Variants in STAG1 observed in about 807,000 individuals in gnomAD.
The protein encoded by STAG1 is STAG1 cohesin complex component, also known as cohesin subunit SA-1.
STAG1 carries 26 observed loss-of-function variants against 170.9 expected under a neutral mutation model. The observed-to-expected ratio is 0.15, with a 90% CI of 0.11 to 0.21. STAG1 has a LOEUF of 0.21. Ranked by LOEUF, STAG1 falls within the 10% of genes least tolerant of loss-of-function variation. The pLI is 1.00. For missense variants in STAG1, 964 were observed against 1,509.5 expected, an observed-to-expected ratio of 0.64 and a Z score of 5.99; for synonymous variants, 514 against 497.7, an observed-to-expected ratio of 1.03 and a Z score of -0.44.
chr3:136,464,418 C>T (rs548720855), intron 13 of STAG1, among the ~76,000 whole-genome samples: 2 of 146,030 alleles, frequency 1.4e-5, no homozygotes, highest in Non-Finnish European at 3.0e-5. Context: ...AGCGAAACTC[C>T]GTCTCAAAAA....
At chr3:136,357,973 C>A in intron 27 of STAG1, 125 bp from the exon 28 acceptor site, 2 of 744,474 alleles carry the variant, frequency 2.7e-6, no homozygotes, top group East Asian at 3.0e-5. Flanking sequence ...CTGATAAATT[C>A]AAATAATAAA....
At chr3:136,465,458 T>C (rs1388740420) in intron 12 of STAG1, among the ~76,000 whole-genome samples, 1 of 143,562 alleles carries the variant, frequency 7.0e-6, no homozygotes, top group Admixed American at 7.6e-5. Context: ...TGATCTCAGA[T>C]AATCCAGCTG....
chr3:136,337,131 A>C lies in STAG1; in HGVS notation c.*1123T>G, dbSNP rs1406976300. The stretch of plus-strand genomic sequence containing the variant: ...CTGAAATGTAGCTGTAATTCAAGGT[A>C]AGCTTAGGAACTTCACCCTCTAAGC... On this transcript the variant is annotated 3_prime_UTR_variant, in exon 34 of 34. Transcript: ENST00000383202. 6.6e-6 allele frequency: 1 copy of C among 152,656 alleles called. No homozygotes were observed. Among genetic ancestry groups the C allele is most frequent in the Non-Finnish European group, 1.5e-5 (1 of 68,042 alleles). 9.5% of individuals were successfully genotyped at this position (152,656 alleles called of 1,614,324 possible). A position where few individuals can be genotyped will look rare whatever the true frequency, so the allele number is the denominator to read the frequency against.
intron 2 of STAG1, among the ~76,000 whole-genome samples, chr3:136,628,560 C>A (rs181681034): frequency 1.3e-5 from 2 of 152,196 alleles, no homozygotes; most frequent in East Asian, 3.9e-4. Flanking sequence ...AGCCTGCTCC[C>A]TTCTTCTTCT....
At chr3:136,575,127 A>C (rs1937407626) in intron 4 of STAG1, among the ~76,000 whole-genome samples, 1 of 152,224 alleles carries the variant, frequency 6.6e-6, no homozygotes, top group East Asian at 1.9e-4. Context: ...TTTACAAGAA[A>C]ATTTAGAGCT....
chr3:136,377,576 C>G, intron 23 of STAG1, 84 bp downstream of exon 23: 2 of 1,090,636 alleles, frequency 1.8e-6, no homozygotes. Flanking sequence ...TGTACAAAAA[C>G]TGCCATAAAA....
At chr3:136,342,256 T>C (rs541699010) in intron 30 of STAG1, among the ~76,000 whole-genome samples, 75 of 152,194 alleles carry the variant, frequency 4.9e-4, no homozygotes, top group Non-Finnish European at 3.2e-4. Context: ...CCTGACCTTG[T>C]GATCCACTTG....
chr3:136,551,129 A>AGAT (rs948702298), intron 5 of STAG1, among the ~76,000 whole-genome samples: 1 of 149,852 alleles, frequency 6.7e-6, no homozygotes, highest in Non-Finnish European at 1.5e-5. Context: ...ATTTCCTTTA[A>AGAT]GATGATTTAG....
At chr3:136,671,305 A>G (rs1203989349) in intron 1 of STAG1, among the ~76,000 whole-genome samples, 17 of 152,050 alleles carry the variant, frequency 1.1e-4, no homozygotes, top group Admixed American at 1.1e-3. Context: ...GAAAGCACAC[A>G]CACACACAAA....
At chr3:136,472,378 T>C in intron 12 of STAG1, 35 bp downstream of exon 12, 1 of 1,483,214 alleles carries the variant, frequency 6.7e-7, no homozygotes, top group East Asian at 2.3e-5. Flanking sequence ...TATTAAAATA[T>C]CAATAAAGTT....
At chr3:136,489,885 G>T (rs2090089538) in intron 9 of STAG1, among the ~76,000 whole-genome samples, 1 of 152,120 alleles carries the variant, frequency 6.6e-6, no homozygotes, top group Admixed American at 6.5e-5. Flanking sequence ...CACGTAAAAT[G>T]GAGAGGAGAG....
chr3:136,603,285 G>T (rs1408371372), intron 4 of STAG1, among the ~76,000 whole-genome samples: 1 of 151,594 alleles, frequency 6.6e-6, no homozygotes, highest in Non-Finnish European at 1.5e-5. Flanking sequence ...TCCACCTCCT[G>T]GGTTCAAGCA....
At chr3:136,430,025 T>C (rs1365140979) in intron 16 of STAG1, 1 of 152,214 alleles carries the variant, frequency 6.6e-6, no homozygotes, top group Non-Finnish European at 1.5e-5. Context: ...TAGGCTATAG[T>C]AGTTAAGTTC....
chr3:136,492,000 A>G (rs1207576431), intron 9 of STAG1, among the ~76,000 whole-genome samples: 1 of 152,192 alleles, frequency 6.6e-6, no homozygotes, highest in African/African-American at 2.4e-5. Context: ...CAAAAACAAA[A>G]CAAAACAAAA....
chr3:136,746,270 C>A (rs1934930039), intron 1 of STAG1, among the ~76,000 whole-genome samples: 1 of 152,104 alleles, frequency 6.6e-6, no homozygotes, highest in Admixed American at 6.5e-5. Context: ...ATTTACCAAG[C>A]CCCTATTATA....
chr3:136,751,981 C>G (rs893824123), intron 1 of STAG1, among the ~76,000 whole-genome samples: 1 of 150,836 alleles, frequency 6.6e-6, no homozygotes, highest in African/African-American at 2.4e-5. Context: ...TCTCTCCGGG[C>G]ACTCGGACGG....
At chr3:136,591,865 C>T (rs1390452789) in intron 4 of STAG1, among the ~76,000 whole-genome samples, 1 of 152,186 alleles carries the variant, frequency 6.6e-6, no homozygotes, top group East Asian at 1.9e-4. Flanking sequence ...TTTTCCTTTA[C>T]ATACTATCAA....
intron 6 of STAG1, among the ~76,000 whole-genome samples, chr3:136,535,243 G>A (rs1935560800): frequency 6.6e-6 from 1 of 152,230 alleles, no homozygotes; most frequent in Non-Finnish European, 1.5e-5. Flanking sequence ...AAAAGCGTGT[G>A]AGGAGGAAAC....
Position 136,422,404 on chromosome 3 carries a change from A to G in STAG1, c.2037+6T>C. ...ATTATATGTACACATTAACTTTAGA[A>G]CAGACCTCTTGCAATAGGTCTTCCA... On this transcript the variant is annotated splice_donor_region_variant and intron_variant, in intron 19 of 33. Transcript: ENST00000383202. The G allele has an allele frequency of 1.2e-6, 2 of 1,612,102 alleles. No individual in the cohort carries two copies. Among genetic ancestry groups the G allele is most frequent in the South Asian group, 2.2e-5 (2 of 91,024 alleles).
Sources: gnomAD v4.1 joint callset for allele counts (sites outside exome capture counted in the v4.1 genomes callset) on GRCh38, gnomAD v4.1.1 for gene constraint, MANE v1.5 for transcripts, NCBI Gene and HGNC (gene_info 2026-07-23, HGNC 2026-07-21) for gene names.